FRK: variants seen among roughly 807,000 people sequenced by gnomAD.
FRK encodes the protein tyrosine-protein kinase FRK.
Under a neutral mutation model 56.4 loss-of-function variants are expected in FRK, and 51 were observed. That is an observed-to-expected ratio of 0.90 (90% CI 0.72 to 1.14). The LOEUF (loss-of-function observed/expected upper bound fraction) is 1.14, where lower values mean the gene tolerates loss of function less well. Ranked by LOEUF, FRK falls within the 50% of genes most tolerant of loss-of-function variation. The pLI is 0.00. For synonymous variants in FRK, 245 were observed against 217.9 expected (o/e 1.12, Z -1.10); for missense variants, 570 against 601.4 (o/e 0.95, Z 0.55).
intron 2 of FRK, among the ~76,000 whole-genome samples, chr6:115,993,963 T>G (rs960134912): frequency 1.3e-5 from 2 of 152,070 alleles, no homozygotes; most frequent in Non-Finnish European, 2.9e-5. Context: ...AAAATTTATC[T>G]ACTGTTCCTT....
chr6:116,063,932 ACT>A (rs928265607), upstream of FRK, among the ~76,000 whole-genome samples: 8 of 152,110 alleles, frequency 5.3e-5, no homozygotes, highest in Admixed American at 1.3e-4. Context: ...CCTGAGTAAC[ACT>A]CTGTTCTCAA....
chr6:115,948,384 C>A (rs1186169858), intron 5 of FRK, among the ~76,000 whole-genome samples: 1 of 152,162 alleles, frequency 6.6e-6, no homozygotes, highest in Non-Finnish European at 1.5e-5. Flanking sequence ...TATAAGAGGA[C>A]CTGAACCAGG....
chr6:115,962,030 A>C (rs889061540), intron 4 of FRK, among the ~76,000 whole-genome samples: 1 of 130,072 alleles, frequency 7.7e-6, no homozygotes, highest in Non-Finnish European at 1.6e-5. Context: ...GACAGGATCA[A>C]ATTCACACAT....
At chr6:116,085,437 T>A in the FRK span, among the ~76,000 whole-genome samples, 1 of 152,242 alleles carries the variant, frequency 6.6e-6, no homozygotes, top group Non-Finnish European at 1.5e-5. Flanking sequence ...AACACATATG[T>A]ATTATGCATA....
intron 4 of FRK, among the ~76,000 whole-genome samples, chr6:115,966,540 A>G (rs2114597129): frequency 6.6e-6 from 1 of 152,306 alleles, no homozygotes; most frequent in African/African-American, 2.4e-5. Context: ...CTATGCTGCT[A>G]GCCAACAAAT....
chr6:116,052,803 G>T (rs2114819606), intron 1 of FRK, among the ~76,000 whole-genome samples: 1 of 152,286 alleles, frequency 6.6e-6, no homozygotes, highest in South Asian at 2.1e-4. Context: ...CAATGTCCAG[G>T]ACACCTGTTA....
intron 1 of FRK, among the ~76,000 whole-genome samples, chr6:116,017,009 C>A (rs1396293841): frequency 6.6e-6 from 1 of 152,150 alleles, no homozygotes; most frequent in African/African-American, 2.4e-5. Context: ...AAGGAAGGCT[C>A]TGCCTGCACT....
At chr6:116,039,816 C>T (rs544296112) in intron 1 of FRK, among the ~76,000 whole-genome samples, 11 of 152,098 alleles carry the variant, frequency 7.2e-5, no homozygotes, top group African/African-American at 2.7e-4. Flanking sequence ...CATCCTCTTC[C>T]TTCTTACACC....
At position 116,042,017 on chromosome 6, in the gene FRK, G is replaced by A. The variant is rs571604660; in HGVS notation, c.344+17951C>T. Among the ~76,000 whole-genome samples, 6 of 152,352 alleles carry A rather than the reference G, an allele frequency of 3.9e-5. No individual in the cohort carries two copies. The East Asian group carries it at 1.2e-3, about 29-fold the overall frequency. ...CACTGACATGAAATTCTTACTGCCA[G>A]CACAGCAGTCTGAAGTCTACCTGGG... On this transcript the variant is annotated intron_variant, in intron 1 of 7. Coordinates refer to ENST00000606080, the MANE Select transcript of FRK (RefSeq NM_002031.3).
intron 1 of FRK, among the ~76,000 whole-genome samples, chr6:116,026,215 T>A (rs1359666939): frequency 6.6e-6 from 1 of 152,118 alleles, no homozygotes; most frequent in Non-Finnish European, 1.5e-5. Flanking sequence ...TGTGTTTCTA[T>A]AATGCTAAAA....
At chr6:116,007,493 G>C (rs1337606912) in intron 1 of FRK, among the ~76,000 whole-genome samples, 3 of 152,200 alleles carry the variant, frequency 2.0e-5, no homozygotes, top group African/African-American at 7.2e-5. Context: ...AAGAGGATGA[G>C]TTGGGAACAC....
chr6:115,980,240 A>G (rs1435150638), intron 2 of FRK, among the ~76,000 whole-genome samples: 1 of 152,188 alleles, frequency 6.6e-6, no homozygotes, highest in Non-Finnish European at 1.5e-5. Context: ...AATGTTCACT[A>G]GAGCATTTTT....
chr6:116,036,652 G>A (rs1776493227), intron 1 of FRK, among the ~76,000 whole-genome samples: 1 of 152,014 alleles, frequency 6.6e-6, no homozygotes, highest in African/African-American at 2.4e-5. Flanking sequence ...TTGCTTTTGA[G>A]AAAATTAGCT....
the FRK span, among the ~76,000 whole-genome samples, chr6:116,086,190 T>C: frequency 6.6e-6 from 1 of 152,008 alleles, no homozygotes; most frequent in East Asian, 1.9e-4. Flanking sequence ...TATTTCCAAA[T>C]GACATTTTAA....
the FRK span, among the ~76,000 whole-genome samples, chr6:116,090,832 T>C: frequency 6.6e-6 from 1 of 152,350 alleles, no homozygotes; most frequent in Admixed American, 6.5e-5. Flanking sequence ...CTAGCTGAGC[T>C]TACCTTGAGT....
the FRK span, among the ~76,000 whole-genome samples, chr6:116,096,841 C>T: frequency 2.6e-5 from 4 of 152,256 alleles, no homozygotes; most frequent in African/African-American, 9.6e-5. Context: ...CTTCTGCTCA[C>T]TCTTTGGGTC....
intron 1 of FRK, among the ~76,000 whole-genome samples, chr6:116,059,340 G>A (rs2114838157): frequency 6.6e-6 from 1 of 152,206 alleles, no homozygotes; most frequent in South Asian, 2.1e-4. Flanking sequence ...TAGCTGGCCA[G>A]TTTCTAATCA....
chr6:115,977,711 A>G (rs1478974492), intron 2 of FRK, among the ~76,000 whole-genome samples: 1 of 152,156 alleles, frequency 6.6e-6, no homozygotes, highest in Non-Finnish European at 1.5e-5. Flanking sequence ...TCTCTTCCAT[A>G]TGGCATAGCA....
intron 1 of FRK, among the ~76,000 whole-genome samples, chr6:116,054,321 T>A (rs1330932409): frequency 6.7e-6 from 1 of 149,546 alleles, no homozygotes; most frequent in Non-Finnish European, 1.5e-5. Context: ...TTTGGTTGAC[T>A]TAAATGATTT....
Sources: gnomAD v4.1 joint callset for allele counts (sites outside exome capture counted in the v4.1 genomes callset) on GRCh38, gnomAD v4.1.1 for gene constraint, MANE v1.5 for transcripts, NCBI Gene and HGNC (gene_info 2026-07-23, HGNC 2026-07-21) for gene names.